ATL1: variants seen among roughly 807,000 people sequenced by gnomAD.
ATL1 encodes atlastin GTPase 1.
ATL1 carries 31 observed loss-of-function variants against 75.5 expected under a neutral mutation model. That is an observed-to-expected ratio of 0.41 (90% confidence interval 0.31 to 0.55). The LOEUF (loss-of-function observed/expected upper bound fraction) is 0.55, where lower values mean the gene tolerates loss of function less well. Ranked by LOEUF, ATL1 falls within the 20% of genes least tolerant of loss-of-function variation. The pLI is 0.27. For synonymous variants in ATL1, 226 were observed against 233.3 expected (o/e 0.97, Z 0.28); for missense variants, 405 against 662.6 (o/e 0.61, Z 4.27).
chr14:50,584,021 C>A (rs1276421314), intron 1 of ATL1, among the ~76,000 whole-genome samples: 1 of 152,138 alleles, frequency 6.6e-6, no homozygotes, highest in Non-Finnish European at 1.5e-5. Context: ...CTTTTATCTT[C>A]CACCCTACAA....
chr14:50,570,134 C>G (rs1439817856), intron 1 of ATL1, among the ~76,000 whole-genome samples: 1 of 152,116 alleles, frequency 6.6e-6, no homozygotes, highest in Non-Finnish European at 1.5e-5. Context: ...ATCTCTCTGC[C>G]ACTTTCTCTT....
intron 1 of ATL1, among the ~76,000 whole-genome samples, chr14:50,551,312 C>T (rs2038699156): frequency 6.7e-6 from 1 of 150,150 alleles, no homozygotes; most frequent in South Asian, 2.1e-4. Flanking sequence ...GTACAACCCT[C>T]CTGATTAAAT....
chr14:50,600,665 C>G (rs1340169705), intron 6 of ATL1, among the ~76,000 whole-genome samples: 1 of 152,084 alleles, frequency 6.6e-6, no homozygotes, highest in African/African-American at 2.4e-5. Context: ...ATTTAGCAAT[C>G]TTTTTTAGCA....
chr14:50,573,371 A>C (rs922707467), intron 1 of ATL1, among the ~76,000 whole-genome samples: 15 of 152,356 alleles, frequency 9.8e-5, no homozygotes, highest in Admixed American at 9.8e-4. Context: ...TATGGTAGCC[A>C]TTAGTCATAT....
chr14:50,557,340 G>A (rs529431469), upstream of ATL1, among the ~76,000 whole-genome samples: 15 of 152,134 alleles, frequency 9.9e-5, no homozygotes, highest in South Asian at 4.2e-4. Flanking sequence ...CCCATCTCCC[G>A]TAGGTGACCA....
chr14:50,601,885 TTTTA>T (rs2039274854), intron 6 of ATL1, among the ~76,000 whole-genome samples: 1 of 152,144 alleles, frequency 6.6e-6, no homozygotes, highest in Non-Finnish European at 1.5e-5. Flanking sequence ...ACTGTGCAAG[TTTTA>T]TTTGAGTAAT....
intron 1 of ATL1, among the ~76,000 whole-genome samples, chr14:50,537,264 C>T (rs989311909): frequency 7.9e-5 from 12 of 152,212 alleles, no homozygotes; most frequent in African/African-American, 1.9e-4. Flanking sequence ...GCAGCTTCCA[C>T]GTGGTGTTGA....
chr14:50,605,059 T>TAATACTTA (rs2039304591), intron 6 of ATL1, among the ~76,000 whole-genome samples: 1 of 152,078 alleles, frequency 6.6e-6, no homozygotes, highest in African/African-American at 2.4e-5. Flanking sequence ...ATCATGGATT[T>TAATACTTA]TCTTTTTAAT....
intron 6 of ATL1, among the ~76,000 whole-genome samples, chr14:50,608,314 A>G (rs1177500538): frequency 6.6e-6 from 1 of 151,772 alleles, no homozygotes; most frequent in Non-Finnish European, 1.5e-5. Flanking sequence ...TTATCTAGGG[A>G]GGGGTGGGGG....
At chr14:50,593,795 C>A (rs767140811) in intron 4 of ATL1, 51 bp from the exon 5 acceptor site, 1 of 1,228,360 alleles carries the variant, frequency 8.1e-7, no homozygotes, top group Admixed American at 1.7e-5. Context: ...GAAGTAAGTG[C>A]TTAGGATGAT....
rs762992260 is a variant in ATL1, at chr14:50,632,372, A to T, written c.*33A>T. ...TTTAAGAAATACAGGTGCATGACCA[A>T]TTGTCAATTAAATATTCAGTTTTAT... On this transcript the variant is annotated 3_prime_UTR_variant, in exon 14 of 14. Coordinates refer to ENST00000358385, the MANE Select transcript of ATL1 (RefSeq NM_015915.5). 1 of 1,381,100 alleles carries T rather than the reference A, an allele frequency of 7.2e-7. No individual in the cohort carries two copies. The highest frequency in any genetic ancestry group is 1.0e-6 in the Non-Finnish European group (1 of 971,898). The allele number at this position is 1,381,100 out of a possible 1,614,324, so 85.6% of individuals were successfully genotyped here.
intron 6 of ATL1, among the ~76,000 whole-genome samples, chr14:50,609,312 G>A (rs151299364): frequency 6.6e-6 from 1 of 152,070 alleles, no homozygotes; most frequent in East Asian, 1.9e-4. Flanking sequence ...AACATCATAT[G>A]TAATCTCTAT....
chr14:50,568,687 G>A (rs530310753), intron 1 of ATL1, among the ~76,000 whole-genome samples: 20 of 152,204 alleles, frequency 1.3e-4, no homozygotes, highest in African/African-American at 4.8e-4. Flanking sequence ...TTACTGATAA[G>A]GTGTGACTTC....
chr14:50,581,766 G>A (rs2039057228), intron 1 of ATL1, among the ~76,000 whole-genome samples: 1 of 152,052 alleles, frequency 6.6e-6, no homozygotes, highest in Non-Finnish European at 1.5e-5. Flanking sequence ...TGTTCCATAT[G>A]AACTTAAAAA....
intron 1 of ATL1, among the ~76,000 whole-genome samples, chr14:50,576,980 A>G (rs765307741): frequency 6.6e-6 from 1 of 152,152 alleles, no homozygotes; most frequent in African/African-American, 2.4e-5. Context: ...CTGAAGTCCA[A>G]TATTTTTCAG....
In ATL1 at chr14:50,554,393, T is replaced by C. The variant is rs796167694; in HGVS notation, c.-139-5734T>C. The stretch of plus-strand genomic sequence containing the variant: ...AGATGTGGCTTGTACGCACAAGCCA[T>C]GGCTATACTTTATAGGTCTGTATAG... On this transcript the variant is annotated intron_variant, in intron 1 of 13. Transcript: ENST00000441560. Among the ~76,000 whole-genome samples, 14 of 152,334 alleles carry C rather than the reference T, an allele frequency of 9.2e-5. 1 individual carries two copies. The highest frequency in any genetic ancestry group is 3.1e-4 in the African/African-American group (13 of 41,578).
intron 1 of ATL1, among the ~76,000 whole-genome samples, chr14:50,542,233 A>G (rs1376110421): frequency 1.4e-5 from 2 of 139,492 alleles, no homozygotes; most frequent in East Asian, 4.8e-4. Context: ...TTGAACAATG[A>G]GAACACGTGG....
At chr14:50,544,634 G>C (rs2140150631) in intron 1 of ATL1, among the ~76,000 whole-genome samples, 1 of 152,266 alleles carries the variant, frequency 6.6e-6, no homozygotes, top group Admixed American at 6.5e-5. Context: ...AGAGGAGCCA[G>C]CATTAGAAAA....
At chr14:50,574,283 T>C (rs1478359069) in intron 1 of ATL1, among the ~76,000 whole-genome samples, 2 of 152,192 alleles carry the variant, frequency 1.3e-5, no homozygotes, top group African/African-American at 2.4e-5. Flanking sequence ...ATCTATTCTT[T>C]CTGTTAGAAG....
Sources: gnomAD v4.1 joint callset for allele counts (sites outside exome capture counted in the v4.1 genomes callset) on GRCh38, gnomAD v4.1.1 for gene constraint, MANE v1.5 for transcripts, NCBI Gene and HGNC (gene_info 2026-07-23, HGNC 2026-07-21) for gene names.